COLGALT2: variants seen among roughly 807,000 people sequenced by gnomAD.
COLGALT2 encodes procollagen galactosyltransferase 2.
Under a neutral mutation model 73.4 loss-of-function variants are expected in COLGALT2, and 49 were observed. That is an observed-to-expected ratio of 0.67 (90% CI 0.53 to 0.85). COLGALT2 has a LOEUF of 0.85. Among genes scored for constraint, COLGALT2 ranks in the 40% least tolerant of loss-of-function variants. The probability of loss-of-function intolerance (pLI) is 0.00; values close to 1 mark genes in which losing one functional copy is unlikely to be tolerated. For synonymous variants in COLGALT2, 295 were observed against 307.6 expected (o/e 0.96, Z 0.43); for missense variants, 722 against 790.2 (o/e 0.91, Z 1.03).
At position 183,936,409 on chromosome 1, in the gene COLGALT2, A is replaced by G; in HGVS notation, c.*2352T>C. 2.0e-6 allele frequency: 2 copies of G among 986,286 alleles called. No homozygotes were observed. The highest frequency in any genetic ancestry group is 4.7e-5 in the South Asian group (1 of 21,288). The allele number at this position is 986,286 out of a possible 1,614,324, so 61.1% of individuals were successfully genotyped here. A position where few individuals can be genotyped will look rare whatever the true frequency, so the allele number is the denominator to read the frequency against. ...AGGGAGAAACAAACCGGGCTAAAGG[A>G]GACAGAACTTTCTTCACAGTAGAAC... On this transcript the variant is annotated 3_prime_UTR_variant, in exon 12 of 12. Transcript: ENST00000361927.
intron 1 of COLGALT2, among the ~76,000 whole-genome samples, chr1:184,009,737 A>G (rs985124319): frequency 6.6e-6 from 1 of 152,246 alleles, no homozygotes; most frequent in Non-Finnish European, 1.5e-5. Context: ...ATGGAGACAG[A>G]GAGAGTTAAG....
At chr1:183,931,166 A>C (rs1408781993), downstream of COLGALT2, among the ~76,000 whole-genome samples, 5 of 151,880 alleles carry the variant, frequency 3.3e-5, no homozygotes, top group South Asian at 1.0e-3. Context: ...ATCAAACCCC[A>C]CTCTGAGCAT....
downstream of COLGALT2, among the ~76,000 whole-genome samples, chr1:183,931,876 AAATC>A (rs1341902192): frequency 6.6e-6 from 1 of 152,090 alleles, no homozygotes; most frequent in East Asian, 1.9e-4. Flanking sequence ...AAAAAAAAAA[AAATC>A]AAGGCACCAG....
In COLGALT2 at chr1:183,937,638, TTC is replaced by T; in HGVS notation, c.*1121_*1122del. ...TCCCCACAAGAGCCTGGCTGGGAAATTCAGGAGAATCAGATTGCCGAACCAAT... is the reference window on the plus strand; with the variant it reads ...TCCCCACAAGAGCCTGGCTGGGAAATAGGAGAATCAGATTGCCGAACCAAT... On this transcript the variant is annotated 3_prime_UTR_variant, in exon 12 of 12. Transcript: ENST00000361927. The T allele has an allele frequency of 1.0e-6, 1 of 985,356 alleles. No individual in the cohort carries two copies. Among genetic ancestry groups the T allele is most frequent in the Non-Finnish European group, 1.2e-6 (1 of 829,924 alleles). The allele number at this position is 985,356 out of a possible 1,614,324, so 61.0% of individuals were successfully genotyped here. A position where few individuals can be genotyped will look rare whatever the true frequency, so the allele number is the denominator to read the frequency against.
At chr1:184,013,589 C>T (rs1648884190) in intron 1 of COLGALT2, among the ~76,000 whole-genome samples, 1 of 152,158 alleles carries the variant, frequency 6.6e-6, no homozygotes, top group Non-Finnish European at 1.5e-5. Context: ...GCGGGAGAAA[C>T]TGGCAGAACC....
At chr1:183,958,610 T>C (rs1572638256) in intron 6 of COLGALT2, among the ~76,000 whole-genome samples, 1 of 151,232 alleles carries the variant, frequency 6.6e-6, no homozygotes, top group African/African-American at 2.4e-5. Flanking sequence ...TCAAATTAGA[T>C]CTACCTTTTC....
chr1:183,984,844 C>T (rs961859014), intron 1 of COLGALT2, among the ~76,000 whole-genome samples: 2 of 152,158 alleles, frequency 1.3e-5, no homozygotes, highest in South Asian at 2.1e-4. Context: ...AAGGGAAACA[C>T]GTATTGGAGA....
intron 1 of COLGALT2, among the ~76,000 whole-genome samples, chr1:184,001,055 G>C (rs748644949): frequency 1.3e-5 from 2 of 151,648 alleles, no homozygotes; most frequent in Non-Finnish European, 2.9e-5. Flanking sequence ...GGATGTTCTC[G>C]GTCTCCTGAC....
exon 12 of COLGALT2, chr1:183,930,221 G>A (rs751835626): frequency 2.6e-5 from 12 of 456,168 alleles, no homozygotes; most frequent in East Asian, 1.4e-4. Flanking sequence ...TAGGGTGCAC[G>A]GGTTTGTTCA....
At position 183,975,217 on chromosome 1, in the gene COLGALT2, A is replaced by G. The variant is rs1386042443; in HGVS notation, c.375-3T>C. 3 of 1,584,716 alleles carry G rather than the reference A, an allele frequency of 1.9e-6. No homozygotes were observed. The highest frequency in any genetic ancestry group is 1.7e-6 in the Non-Finnish European group (2 of 1,153,910). On this transcript the variant is annotated splice_region_variant and splice_polypyrimidine_tract_variant and intron_variant, in intron 2 of 11. Transcript: ENST00000361927. ...GTCCAATTTCATCAGGGTAAGACCTAAAATAATAATAATAGCTCATCATTA... is the reference window on the plus strand; with the variant it reads ...GTCCAATTTCATCAGGGTAAGACCTGAAATAATAATAATAGCTCATCATTA...
downstream of COLGALT2, among the ~76,000 whole-genome samples, chr1:183,932,690 C>T (rs555848795): frequency 2.0e-3 from 298 of 152,252 alleles, 3 homozygotes; most frequent in African/African-American, 6.7e-3. Context: ...GCGCAGCCTC[C>T]CTGGCCAGCC....
chr1:183,969,166 C>A, intron 5 of COLGALT2, 103 bp downstream of exon 5: 3 of 972,718 alleles, frequency 3.1e-6, no homozygotes, highest in Non-Finnish European at 4.3e-6. Flanking sequence ...CTCTCACTAC[C>A]AGACATATGA....
intron 8 of COLGALT2, among the ~76,000 whole-genome samples, chr1:183,948,464 C>CAAAAG (rs1165824555): frequency 6.6e-6 from 1 of 152,112 alleles, no homozygotes; most frequent in African/African-American, 2.4e-5. Context: ...TATTAACAGG[C>CAAAAG]AAAAGTCACA....
intron 1 of COLGALT2, among the ~76,000 whole-genome samples, chr1:183,985,873 G>A (rs1348725966): frequency 1.3e-5 from 2 of 152,150 alleles, no homozygotes; most frequent in Non-Finnish European, 2.9e-5. Context: ...TTTCCAATTC[G>A]AGACTTCAAA....
At position 184,037,293 on chromosome 1, in the gene COLGALT2, C is replaced by T; in HGVS notation, c.65G>A (p.Arg22His). 1.3e-6 allele frequency: 2 copies of T among 1,543,620 alleles called. No homozygotes were observed. The highest frequency in any genetic ancestry group is 1.2e-5 in the South Asian group (1 of 83,320). The change falls in exon 1 of 12, where the codon CGC becomes CAC. Residue 22 changes from arginine (R) to histidine (H), a missense_variant. Physicochemically the swap from Arg to His is conservative, Grantham distance 29. Transcript: ENST00000361927. ...GACGAAGCGCGCTCGGCAGCCTTCGCGGAGCAGGGCTGAGGAGAGGAGCAG... is the reference window on the plus strand; with the variant it reads ...GACGAAGCGCGCTCGGCAGCCTTCGTGGAGCAGGGCTGAGGAGAGGAGCAG... ...SLLLLSSALL[R>H]EGCRARFVAE...
rs1404810300 is a variant in COLGALT2 at position 183,935,927 on chromosome 1, G to A, written c.*2834C>T. The A allele has an allele frequency of 1.4e-5, 14 of 985,328 alleles. No individual in the cohort carries two copies. The highest frequency in any genetic ancestry group is 1.7e-5 in the African/African-American group (1 of 57,246). 61.0% of individuals were successfully genotyped at this position (985,328 alleles called of 1,614,324 possible). A position where few individuals can be genotyped will look rare whatever the true frequency, so the allele number is the denominator to read the frequency against. Reference sequence around the variant, plus strand: ...CTCTGAAATAGCACGCAAGACAGATGATGCAGGGGAACGGGTGTCCACTCT... The same window carrying A: ...CTCTGAAATAGCACGCAAGACAGATAATGCAGGGGAACGGGTGTCCACTCT... On this transcript the variant is annotated 3_prime_UTR_variant, in exon 12 of 12. Transcript: ENST00000361927.
intron 1 of COLGALT2, among the ~76,000 whole-genome samples, chr1:183,982,793 C>A (rs1269022350): frequency 6.6e-6 from 1 of 152,040 alleles, no homozygotes; most frequent in Non-Finnish European, 1.5e-5. Flanking sequence ...CATAGTGAGA[C>A]CCCATCTCTT....
chr1:184,013,576 G>C (rs971960265), intron 1 of COLGALT2, among the ~76,000 whole-genome samples: 1 of 152,202 alleles, frequency 6.6e-6, no homozygotes. Flanking sequence ...GGGGAAGGAC[G>C]GGGCGGGAGA....
At chr1:184,015,579 G>A (rs1013115548) in intron 1 of COLGALT2, among the ~76,000 whole-genome samples, 4 of 152,238 alleles carry the variant, frequency 2.6e-5, no homozygotes, top group African/African-American at 9.6e-5. Context: ...CTAATTTGGT[G>A]AAATGTAGAC....
Sources: allele counts gnomAD v4.1 joint callset (sites outside exome capture counted in the v4.1 genomes callset), GRCh38; gene constraint gnomAD v4.1.1; transcripts MANE v1.5; gene names NCBI Gene and HGNC (gene_info 2026-07-23, HGNC 2026-07-21).